SV2B: variants seen among roughly 807,000 people sequenced by gnomAD.
The protein encoded by SV2B is synaptic vesicle glycoprotein 2B.
In SV2B, 41 loss-of-function variants were observed where a neutral mutation model predicts 73.9. The observed-to-expected ratio is 0.56, with a 90% CI of 0.43 to 0.72. The LOEUF is 0.72. Among genes scored for constraint, SV2B ranks in the 30% least tolerant of loss-of-function variants. The pLI is 0.00. For missense variants in SV2B, 764 were observed against 857.8 expected, an observed-to-expected ratio of 0.89 and a Z score of 1.37; for synonymous variants, 314 against 314.2, an observed-to-expected ratio of 1.00 and a Z score of 0.01.
chr15:91,274,798 G>A (rs776502166), intron 9 of SV2B, among the ~76,000 whole-genome samples: 1 of 152,106 alleles, frequency 6.6e-6, no homozygotes, highest in African/African-American at 2.4e-5. Flanking sequence ...ATAAAAATGT[G>A]TTAGGACTTT....
intron 9 of SV2B, among the ~76,000 whole-genome samples, chr15:91,271,772 G>C (rs886831631): frequency 6.6e-6 from 1 of 152,250 alleles, no homozygotes; most frequent in African/African-American, 2.4e-5. Flanking sequence ...CTGGTCGTGA[G>C]CTGGAAAACA....
Position 91,124,842 on chromosome 15 carries a change from C to T in SV2B, c.-392+24479C>T, listed in dbSNP as rs1277477241. ...CTAATGTTTGTATTTTTAGGAGAGA[C>T]GGAATTTCACCATGTTGGCCAGGCT... On this transcript the variant is annotated intron_variant, in intron 1 of 12. Transcript: ENST00000394232. The surrounding 1 kb of genome is among the most constrained non-coding windows in gnomAD (Gnocchi z 4.6). Among the ~76,000 whole-genome samples the T allele has an allele frequency of 3.9e-5, 6 of 152,022 alleles. No homozygotes were observed. Among genetic ancestry groups the T allele is most frequent in the Non-Finnish European group, 7.4e-5 (5 of 68,014 alleles).
intron 1 of SV2B, among the ~76,000 whole-genome samples, chr15:91,190,613 A>C (rs2044973089): frequency 6.6e-6 from 1 of 152,188 alleles, no homozygotes; most frequent in African/African-American, 2.4e-5. Flanking sequence ...CCAAAGGCAG[A>C]ATATTTCTTA....
intron 1 of SV2B, among the ~76,000 whole-genome samples, chr15:91,111,890 T>C (rs2520604): frequency 0.62 from 93,709 of 151,474 alleles, 29,851 homozygotes; most frequent in African/African-American, 0.69. Context: ...TTGCCACATA[T>C]TTTTAAGTGA....
At chr15:91,225,119 G>T (rs992707609) in intron 1 of SV2B, among the ~76,000 whole-genome samples, 2 of 152,210 alleles carry the variant, frequency 1.3e-5, no homozygotes, top group Non-Finnish European at 2.9e-5. Flanking sequence ...GAAAATTGAG[G>T]CTTGGAAAGA....
chr15:91,126,956 G>C (rs2042501562), intron 1 of SV2B, among the ~76,000 whole-genome samples: 1 of 152,204 alleles, frequency 6.6e-6, no homozygotes, highest in Non-Finnish European at 1.5e-5. Context: ...AGACAAGGGT[G>C]TTCACTCTCA....
rs941720311 is a variant in SV2B at position 91,141,242 on chromosome 15, A to G, written c.-392+40879A>G. Among the ~76,000 whole-genome samples, 5 of 152,214 alleles carry G rather than the reference A, an allele frequency of 3.3e-5. No individual in the cohort carries two copies. The highest frequency in any genetic ancestry group is 2.0e-4 in the Admixed American group (3 of 15,282). ...AGGGTTCTTAGGGGATTTCTGATGT[A>G]CAGCTTGAGTTGGGAACTGCCGATG... is the stretch of plus-strand genomic sequence containing the variant. On this transcript the variant is annotated intron_variant, in intron 1 of 12. Coordinates refer to ENST00000394232, the MANE Select transcript of SV2B (RefSeq NM_001323032.3). The surrounding 1 kb of genome is among the most constrained non-coding windows in gnomAD (Gnocchi z 4.6).
intron 9 of SV2B, among the ~76,000 whole-genome samples, chr15:91,277,328 C>G (rs2141735732): frequency 1.3e-5 from 2 of 152,228 alleles, no homozygotes; most frequent in East Asian, 3.9e-4. Context: ...TTTGAAACTT[C>G]CTTTTTTATT....
At chr15:91,108,394 G>A (rs1363728251) in intron 1 of SV2B, among the ~76,000 whole-genome samples, 3 of 152,218 alleles carry the variant, frequency 2.0e-5, no homozygotes, top group Admixed American at 1.3e-4. Context: ...GGAGTCATGT[G>A]TAGTATATAG....
intron 1 of SV2B, among the ~76,000 whole-genome samples, chr15:91,216,102 G>A (rs2046015686): frequency 2.0e-5 from 3 of 152,170 alleles, no homozygotes; most frequent in Non-Finnish European, 4.4e-5. Flanking sequence ...TAATACTCAT[G>A]AACCAACACT....
Position 91,139,897 on chromosome 15 carries a change from G to C in SV2B, c.-392+39534G>C, listed in dbSNP as rs79977430. ...GTAGCCAAGGAAGGGAGGAAGATCC[G>C]GCCACTTTGTTCCTAGAGTTTGGTG... On this transcript the variant is annotated intron_variant, in intron 1 of 12. Transcript: ENST00000394232. The surrounding 1 kb of genome is among the most constrained non-coding windows in gnomAD (Gnocchi z 5.2). 6.6e-6 allele frequency among the ~76,000 whole-genome samples: 1 copy of C among 152,092 alleles called. No individual in the cohort carries two copies. Among genetic ancestry groups the C allele is most frequent in the African/African-American group, 2.4e-5 (1 of 41,404 alleles).
Position 91,284,600 on chromosome 15 carries a change from G to T in SV2B, c.1708+379G>T, listed in dbSNP as rs561620539. 5.1e-4 allele frequency among the ~76,000 whole-genome samples: 78 copies of T among 152,330 alleles called. No individual in the cohort carries two copies. Among genetic ancestry groups the T allele is most frequent in the Non-Finnish European group, 9.6e-4 (65 of 68,034 alleles). On this transcript the variant is annotated intron_variant, in intron 11 of 12. Transcript: ENST00000394232. The surrounding 1 kb of genome is among the most constrained non-coding windows in gnomAD (Gnocchi z 4.5). Reference sequence around the variant, plus strand: ...ATGGTTTGATGTTTGAAGATAAATTGTGTTACTTTTATTATTTAATAGCAA... The same window carrying T: ...ATGGTTTGATGTTTGAAGATAAATTTTGTTACTTTTATTATTTAATAGCAA...
In SV2B at chr15:91,130,506, A is replaced by G. The variant is rs112198879; in HGVS notation, c.-392+30143A>G. The stretch of plus-strand genomic sequence containing the variant: ...AGTGGAGGGTAAGGAACAGGGAATG[A>G]GAGAGAGAGAGAGAAGCAGCTGCAT... On this transcript the variant is annotated intron_variant, in intron 1 of 12. Coordinates refer to ENST00000394232, the MANE Select transcript of SV2B (RefSeq NM_001323032.3). The surrounding 1 kb of genome is among the most constrained non-coding windows in gnomAD (Gnocchi z 5.6). Among the ~76,000 whole-genome samples, 16 of 150,974 alleles carry G rather than the reference A, an allele frequency of 1.1e-4. No homozygotes were observed. The highest frequency in any genetic ancestry group is 5.9e-5 in the Non-Finnish European group (4 of 67,566).
At chr15:91,147,759 T>C (rs1429950409) in intron 1 of SV2B, among the ~76,000 whole-genome samples, 1 of 152,060 alleles carries the variant, frequency 6.6e-6, no homozygotes, top group African/African-American at 2.4e-5. Flanking sequence ...TCTTAAAATA[T>C]TATAGGTCTA....
rs2042870374 is a variant in SV2B, at chr15:91,137,579, T to G, written c.-392+37216T>G. ...ACTAGGAAAATGTGAAATATATATA[T>G]ATATATTTCTCATATATATATATAT... is the stretch of plus-strand genomic sequence containing the variant. On this transcript the variant is annotated intron_variant, in intron 1 of 12. Transcript: ENST00000394232. This position sits in a 1 kb window ranked among gnomAD's most constrained non-coding sequence, Gnocchi z 4.9. Among the ~76,000 whole-genome samples, 1 of 146,460 alleles carries G rather than the reference T, an allele frequency of 6.8e-6. No individual in the cohort carries two copies. The highest frequency in any genetic ancestry group is 1.5e-5 in the Non-Finnish European group (1 of 66,862).
chr15:91,260,944 C>T (rs1334639175), intron 6 of SV2B, among the ~76,000 whole-genome samples: 1 of 152,314 alleles, frequency 6.6e-6, no homozygotes, highest in Non-Finnish European at 1.5e-5. Flanking sequence ...CACCATGTCC[C>T]TCCCACAACA....
chr15:91,250,956 C>A (rs1372411635), intron 2 of SV2B, among the ~76,000 whole-genome samples: 1 of 152,114 alleles, frequency 6.6e-6, no homozygotes, highest in Non-Finnish European at 1.5e-5. Context: ...GGAAAAACAT[C>A]CTAAAATTCA....
rs1596625983 is a variant in SV2B, at chr15:91,226,634, T to C, written c.371T>C (p.Val124Ala). The C allele has an allele frequency of 6.2e-7, 1 of 1,614,012 alleles. No homozygotes were observed. Among genetic ancestry groups the C allele is most frequent in the Admixed American group, 1.7e-5 (1 of 60,008 alleles). Residue 124 changes from valine to alanine, a missense_variant, in exon 2 of 13, where the codon GTG becomes GCG. Physicochemically the swap from Val to Ala is moderately conservative, Grantham distance 64. Transcript: ENST00000394232. ...VLGLALMADG[V>A]EVFVVSFALP... is the part of the protein sequence containing the mutation. ...GGTTTGGCCCTGATGGCCGATGGGGTGGAAGTGTTCGTGGTGAGTTTTGCC... is the reference window on the plus strand; with the variant it reads ...GGTTTGGCCCTGATGGCCGATGGGGCGGAAGTGTTCGTGGTGAGTTTTGCC...
intron 1 of SV2B, among the ~76,000 whole-genome samples, chr15:91,205,811 T>A (rs1264191986): frequency 2.6e-5 from 4 of 152,222 alleles, no homozygotes; most frequent in Non-Finnish European, 4.4e-5. Flanking sequence ...TCATTTAGTC[T>A]AGGTTTGAAT....
Sources: allele counts gnomAD v4.1 joint callset (sites outside exome capture counted in the v4.1 genomes callset), GRCh38; gene constraint gnomAD v4.1.1; non-coding constraint Gnocchi (gnomAD v3.1); transcripts MANE v1.5; gene names NCBI Gene and HGNC (gene_info 2026-07-23, HGNC 2026-07-21).